Variants in R3HDM1 observed in about 807,000 individuals in gnomAD.
The protein encoded by R3HDM1 is R3H domain containing 1.
In R3HDM1, 46 loss-of-function variants were observed where a neutral mutation model predicts 141.1. The observed-to-expected ratio is 0.33, with a 90% CI of 0.26 to 0.42. The LOEUF is 0.42. R3HDM1 is among the 10% of genes least tolerant of loss of function. R3HDM1 has a pLI of 1.00. For synonymous variants in R3HDM1, 435 were observed against 472.9 expected (o/e 0.92, Z 1.04); for missense variants, 1,184 against 1,368.3 (o/e 0.87, Z 2.12).
chr2:135,717,767 C>T (rs961457760), intron 24 of R3HDM1, among the ~76,000 whole-genome samples: 1 of 152,154 alleles, frequency 6.6e-6, no homozygotes, highest in African/African-American at 2.4e-5. Flanking sequence ...GTGATGAAAC[C>T]GCTTTAGGAA....
chr2:135,629,283 T>C (rs2062392971), intron 7 of R3HDM1, among the ~76,000 whole-genome samples: 1 of 151,980 alleles, frequency 6.6e-6, no homozygotes. Flanking sequence ...GCCACTGCAC[T>C]CCAGCCTGGG....
At chr2:135,681,946 A>G (rs1325194287) in intron 21 of R3HDM1, among the ~76,000 whole-genome samples, 1 of 151,900 alleles carries the variant, frequency 6.6e-6, no homozygotes, top group Non-Finnish European at 1.5e-5. Context: ...AAACTGCTAC[A>G]AAATGAAAAT....
At chr2:135,589,699 A>G (rs1708786779) in intron 1 of R3HDM1, among the ~76,000 whole-genome samples, 1 of 152,100 alleles carries the variant, frequency 6.6e-6, no homozygotes, top group African/African-American at 2.4e-5. Context: ...TAATAAATAT[A>G]TGTTTCCACA....
intron 21 of R3HDM1, among the ~76,000 whole-genome samples, chr2:135,680,778 AT>A (rs1170702810): frequency 6.6e-6 from 1 of 152,236 alleles, no homozygotes; most frequent in Non-Finnish European, 1.5e-5. Flanking sequence ...CTCCAAAAAA[AT>A]ATATATGTAT....
intron 18 of R3HDM1, among the ~76,000 whole-genome samples, chr2:135,660,208 G>A (rs1342342583): frequency 6.6e-6 from 1 of 152,132 alleles, no homozygotes; most frequent in East Asian, 1.9e-4. Flanking sequence ...TGAGTTTCCC[G>A]TATTTGAAAA....
intron 1 of R3HDM1, among the ~76,000 whole-genome samples, chr2:135,600,719 C>G (rs2105097675): frequency 6.6e-6 from 1 of 152,282 alleles, no homozygotes; most frequent in East Asian, 1.9e-4. Flanking sequence ...CTGAATCATT[C>G]ATTATTTAGT....
chr2:135,724,113 C>A lies in R3HDM1; in HGVS notation c.3226C>A (p.Pro1076Thr), dbSNP rs116105123. The change falls in exon 27 of 27, where the codon CCT (proline) becomes ACT (threonine). Residue 1076 changes from proline (P) to threonine (T), a missense_variant. Transcript: ENST00000683871. ...TGGCAGTGGGGACAACACTGCCAAC[C>A]CTGAACGCTCTAAACCCAGTGACTT... ...CCGSGDNTAN[P>T]ERSKPSDLAS... 2 of 1,614,154 alleles carry A rather than the reference C, an allele frequency of 1.2e-6. No homozygotes were observed. The highest frequency in any genetic ancestry group is 2.2e-5 in the East Asian group (1 of 44,882).
At chr2:135,624,393 C>CAAA (rs781574838) in intron 7 of R3HDM1, among the ~76,000 whole-genome samples, 1 of 61,788 alleles carries the variant, frequency 1.6e-5, no homozygotes, top group Non-Finnish European at 3.5e-5. Context: ...GACTCCGTCT[C>CAAA]AAAAAAAAAA....
At position 135,551,562 on chromosome 2, in the gene R3HDM1, A is replaced by T. The variant is rs1573694090; in HGVS notation, c.-250+19929A>T. Among the ~76,000 whole-genome samples, 7 of 152,254 alleles carry T rather than the reference A, an allele frequency of 4.6e-5. No individual in the cohort carries two copies. The South Asian group carries it at 1.4e-3, about 31-fold the overall frequency. On this transcript the variant is annotated intron_variant, in intron 1 of 26. Transcript: ENST00000683871. Reference sequence around the variant, plus strand: ...ATGCCAAGTAATTAAGATATTACGAAATAATTGAGTGTACATTAAAAGTTA... The same window carrying T: ...ATGCCAAGTAATTAAGATATTACGATATAATTGAGTGTACATTAAAAGTTA...
At chr2:135,598,068 T>C (rs1186831000) in intron 1 of R3HDM1, among the ~76,000 whole-genome samples, 1 of 152,188 alleles carries the variant, frequency 6.6e-6, no homozygotes, top group Admixed American at 6.5e-5. Flanking sequence ...TCATATATAC[T>C]AGTTTGCCTT....
chr2:135,645,399 G>C lies in R3HDM1; in HGVS notation c.1495G>C (p.Asp499His). Residue 499 changes from aspartate to histidine, a missense_variant, in exon 16 of 27, where the codon GAT becomes CAT. Physicochemically the swap from Asp to His is moderately conservative, Grantham distance 81 (BLOSUM62 -1). Coordinates refer to ENST00000683871, the MANE Select transcript of R3HDM1 (RefSeq NM_001378107.1). ...TTCAGGTCAGCCCTTCATAAACCCA[G>C]ATGGGAGTCCAGTTGTGTATAATCC... The part of the protein sequence containing the change: ...PQTGQPFINP[D>H]GSPVVYNPPM... 1.2e-6 allele frequency: 2 copies of C among 1,610,528 alleles called. No homozygotes were observed. Among genetic ancestry groups the C allele is most frequent in the Admixed American group, 1.7e-5 (1 of 59,880 alleles).
At chr2:135,597,908 C>T (rs1042992203) in intron 1 of R3HDM1, among the ~76,000 whole-genome samples, 2 of 152,004 alleles carry the variant, frequency 1.3e-5, no homozygotes, top group Non-Finnish European at 2.9e-5. Context: ...TTGGGGCTAC[C>T]GAAGTTTCCA....
Position 135,641,648 on chromosome 2 carries a change from T to C in R3HDM1, c.1332T>C (p.Tyr444=), listed in dbSNP as rs977487164. ...CTTCTCATGGCGCACCTGTCGTCTATCCAACTGTCAGCACTCATAGTTCTC... is the reference window on the plus strand; with the variant it reads ...CTTCTCATGGCGCACCTGTCGTCTACCCAACTGTCAGCACTCATAGTTCTC... ...SQSSHGAPVV[Y]PTVSTHSSLS... The change falls in exon 15 of 27, where the codon TAT becomes TAC. Residue 444 remains tyrosine (Y), a synonymous_variant. Transcript: ENST00000683871. 6.2e-7 allele frequency: 1 copy of C among 1,614,172 alleles called. No individual in the cohort carries two copies. Among genetic ancestry groups the C allele is most frequent in the Non-Finnish European group, 8.5e-7 (1 of 1,180,024 alleles).
chr2:135,661,210 C>T (rs1383179018), intron 18 of R3HDM1, 60 bp from the exon 19 acceptor site: 1 of 1,583,344 alleles, frequency 6.3e-7, no homozygotes, highest in Non-Finnish European at 8.6e-7. Flanking sequence ...ATCTTCCTCA[C>T]AGAAAAACAT....
At chr2:135,669,690 A>G in intron 19 of R3HDM1, 1 of 587,828 alleles carries the variant, frequency 1.7e-6, no homozygotes, top group Middle Eastern at 8.5e-4. Context: ...AGAAGGTATG[A>G]ACCTCTCTGT....
At position 135,534,556 on chromosome 2, in the gene R3HDM1, T is replaced by C. The variant is rs544620274; in HGVS notation, c.-250+2923T>C. ...TTGGAATTTGTATAGTTAAACAAAT[T>C]TAAGGTTAGCATGAAGACAGTTATA... On this transcript the variant is annotated intron_variant, in intron 1 of 26. Coordinates refer to ENST00000683871, the MANE Select transcript of R3HDM1 (RefSeq NM_001378107.1). Among the ~76,000 whole-genome samples the C allele has an allele frequency of 6.6e-5, 10 of 152,306 alleles. No individual in the cohort carries two copies. In the South Asian group the frequency reaches 2.1e-3, roughly 32 times the overall value.
chr2:135,638,346 G>A (rs2063465728), intron 11 of R3HDM1, among the ~76,000 whole-genome samples: 2 of 151,982 alleles, frequency 1.3e-5, no homozygotes, highest in African/African-American at 4.8e-5. Flanking sequence ...AATGAAAATG[G>A]GTTCACTTAT....
At chr2:135,720,987 G>A (rs1039103038) in intron 24 of R3HDM1, among the ~76,000 whole-genome samples, 2 of 152,136 alleles carry the variant, frequency 1.3e-5, no homozygotes, top group African/African-American at 4.8e-5. Context: ...CATACGGGAT[G>A]TTAGGATTTA....
intron 7 of R3HDM1, among the ~76,000 whole-genome samples, chr2:135,630,502 A>AT (rs952648811): frequency 1.3e-5 from 2 of 151,898 alleles, no homozygotes; most frequent in Non-Finnish European, 2.9e-5. Context: ...TTTTCTGTTG[A>AT]TTTTTTTTAA....
Sources: allele counts gnomAD v4.1 joint callset (sites outside exome capture counted in the v4.1 genomes callset), GRCh38; gene constraint gnomAD v4.1.1; transcripts MANE v1.5; gene names NCBI Gene and HGNC (gene_info 2026-07-23, HGNC 2026-07-21).